Variants in SFI1 observed in about 807,000 individuals in gnomAD.
The protein encoded by SFI1 is protein SFI1 homolog.
In SFI1, 195 loss-of-function variants were observed where a neutral mutation model predicts 207.5. The ratio of observed to expected loss-of-function variants is 0.94; its 90% confidence interval spans 0.84 to 1.06. The LOEUF (loss-of-function observed/expected upper bound fraction) is 1.06, where lower values mean the gene tolerates loss of function less well. SFI1 is among the 50% of genes least tolerant of loss of function. SFI1 has a pLI of 0.00. For synonymous variants in SFI1, 630 were observed against 598.9 expected (o/e 1.05, Z -0.76); for missense variants, 1,634 against 1,588.0 (o/e 1.03, Z -0.49).
chr22:31,608,013 C>T lies in SFI1; in HGVS notation c.2234C>T (p.Ala745Val), dbSNP rs930830337. 1.9e-6 allele frequency: 3 copies of T among 1,613,766 alleles called. No individual in the cohort carries two copies. Among genetic ancestry groups the T allele is most frequent in the Non-Finnish European group, 2.5e-6 (3 of 1,179,826 alleles). Reference protein sequence around the residue: ...RQQEDCAIWEAQKVLDRGCLR... With the variant: ...RQQEDCAIWEVQKVLDRGCLR... ...CAGGAGGACTGTGCCATCTGGGAGG[C>T]CCAGAAGGTGCTGGACAGGGGTAAG... The change falls in exon 22 of 33, where the codon GCC becomes GTC. Residue 745 changes from alanine (A) to valine (V), a missense_variant. Transcript: ENST00000400288.
At chr22:31,497,298 A>G (rs1365742297) in intron 1 of SFI1, 1 of 152,196 alleles carries the variant, frequency 6.6e-6, no homozygotes, top group East Asian at 1.9e-4. Flanking sequence ...CCCTGCACCG[A>G]GCAACTATTT....
chr22:31,505,437 G>A (rs139112106), intron 1 of SFI1, among the ~76,000 whole-genome samples: 152 of 140,770 alleles, frequency 1.1e-3, no homozygotes, highest in African/African-American at 3.4e-3. Flanking sequence ...AGACTGTCTC[G>A]GAAAAAAAGA....
intron 8 of SFI1, 95 bp downstream of exon 8, chr22:31,561,487 G>A: frequency 9.8e-7 from 1 of 1,023,158 alleles, no homozygotes; most frequent in South Asian, 1.6e-5. Flanking sequence ...TGCAGCTCAG[G>A]GCCTGAGAGG....
intron 2 of SFI1, among the ~76,000 whole-genome samples, chr22:31,513,194 T>C (rs532186252): frequency 1.6e-4 from 24 of 152,304 alleles, no homozygotes; most frequent in Admixed American, 4.6e-4. Context: ...GGTCTCGCTT[T>C]GTTGCCCAGG....
chr22:31,526,518 G>A (rs772160440), intron 2 of SFI1, among the ~76,000 whole-genome samples: 1 of 152,162 alleles, frequency 6.6e-6, no homozygotes, highest in Non-Finnish European at 1.5e-5. Context: ...AGCTACAATT[G>A]CAGATGCGAT....
chr22:31,531,131 T>C lies in SFI1; in HGVS notation c.338+2T>C, dbSNP rs762637095. The stretch of plus-strand genomic sequence containing the variant: ...AAGAGTATTTCCCTCTAAAGCCAGG[T>C]AGTATTAGCTCAGAACAACATAATT... On this transcript the variant is annotated splice_donor_variant, in intron 4 of 32. Transcript: ENST00000400288. LOFTEE classifies it high-confidence loss of function. 6.2e-6 allele frequency: 10 copies of C among 1,609,828 alleles called. No homozygotes were observed. Among genetic ancestry groups the C allele is most frequent in the Non-Finnish European group, 6.8e-6 (8 of 1,176,732 alleles).
intron 14 of SFI1, among the ~76,000 whole-genome samples, chr22:31,586,597 A>G (rs985734413): frequency 6.6e-6 from 1 of 152,200 alleles, no homozygotes; most frequent in African/African-American, 2.4e-5. Context: ...CCTTTGGATT[A>G]TGTTACTGGC....
intron 1 of SFI1, among the ~76,000 whole-genome samples, chr22:31,506,371 G>A (rs991885048): frequency 6.6e-6 from 1 of 151,978 alleles, no homozygotes; most frequent in Non-Finnish European, 1.5e-5. Context: ...TTAAAAAAAA[G>A]AAAAGAAAGA....
At chr22:31,614,152 T>G in intron 27 of SFI1, 1 of 424,486 alleles carries the variant, frequency 2.4e-6, no homozygotes, top group South Asian at 4.6e-5. Context: ...ACACGATCTT[T>G]TCCGGAGTCA....
intron 22 of SFI1, among the ~76,000 whole-genome samples, chr22:31,609,380 C>T (rs182937384): frequency 1.1e-4 from 17 of 152,262 alleles, no homozygotes; most frequent in South Asian, 2.1e-4. Flanking sequence ...TGCACAGACA[C>T]GCGGCAGACC....
intron 3 of SFI1, 127 bp downstream of exon 3, chr22:31,528,990 A>G (rs991772052): frequency 1.5e-5 from 14 of 904,194 alleles, no homozygotes; most frequent in Middle Eastern, 3.6e-4. Flanking sequence ...TGTTCTTGGT[A>G]GTAGAATGTT....
At chr22:31,498,471 A>G (rs569608823) in intron 1 of SFI1, among the ~76,000 whole-genome samples, 1 of 151,970 alleles carries the variant, frequency 6.6e-6, no homozygotes, top group East Asian at 1.9e-4. Flanking sequence ...GCCAACTTGA[A>G]GAAACCCTGT....
intron 13 of SFI1, 57 bp from the exon 14 acceptor site, chr22:31,585,011 C>A: frequency 1.3e-6 from 2 of 1,519,752 alleles, no homozygotes; most frequent in South Asian, 2.3e-5. Context: ...AATTTACCTG[C>A]CTTAAAACAA....
intron 2 of SFI1, among the ~76,000 whole-genome samples, chr22:31,524,261 G>GT (rs1438731739): frequency 6.6e-6 from 1 of 152,044 alleles, no homozygotes; most frequent in African/African-American, 2.4e-5. Flanking sequence ...CATTTGTTAT[G>GT]TTTTTTGGTC....
chr22:31,593,799 GC>G (rs1225901913), intron 15 of SFI1, among the ~76,000 whole-genome samples: 1 of 149,766 alleles, frequency 6.7e-6, no homozygotes, highest in African/African-American at 2.5e-5. Context: ...CTGGAGACCG[GC>G]CCGGCCAACA....
At chr22:31,610,852 C>T (rs895617345) in intron 22 of SFI1, among the ~76,000 whole-genome samples, 2 of 152,204 alleles carry the variant, frequency 1.3e-5, no homozygotes, top group African/African-American at 4.8e-5. Flanking sequence ...CTTAGGGTGC[C>T]CCTGGCACCC....
chr22:31,545,095 G>A (rs377590521), intron 4 of SFI1, among the ~76,000 whole-genome samples: 2 of 152,090 alleles, frequency 1.3e-5, no homozygotes, highest in African/African-American at 2.4e-5. Context: ...GGCTGGATGT[G>A]GTGATTCAGG....
chr22:31,530,788 C>T, intron 3 of SFI1: 1 of 469,604 alleles, frequency 2.1e-6, no homozygotes, highest in Non-Finnish European at 4.0e-6. Flanking sequence ...TTATTATGTA[C>T]TTCCTGTACC....
At chr22:31,567,306 T>G (rs1180219582) in intron 8 of SFI1, among the ~76,000 whole-genome samples, 1 of 152,162 alleles carries the variant, frequency 6.6e-6, no homozygotes, top group East Asian at 1.9e-4. Context: ...ATATATCTCA[T>G]AATATATTGC....
Sources: gnomAD v4.1 joint callset for allele counts (sites outside exome capture counted in the v4.1 genomes callset) on GRCh38, gnomAD v4.1.1 for gene constraint, MANE v1.5 for transcripts, NCBI Gene and HGNC (gene_info 2026-07-23, HGNC 2026-07-21) for gene names.